XKR9: variants seen among roughly 807,000 people sequenced by gnomAD.
XKR9 encodes the protein XK-related protein 9.
In XKR9, 32 loss-of-function variants were observed where a neutral mutation model predicts 32.0. The ratio of observed to expected loss-of-function variants is 1.00; its 90% CI spans 0.76 to 1.34. The LOEUF (loss-of-function observed/expected upper bound fraction) is 1.34. Among genes scored for constraint, XKR9 ranks in the 40% most tolerant of loss-of-function variants. XKR9 has a pLI of 0.00. For missense variants in XKR9, 546 were observed against 429.7 expected (o/e 1.27, Z -2.39); for synonymous variants, 168 against 143.4 (o/e 1.17, Z -1.22).
the XKR9 span, among the ~76,000 whole-genome samples, chr8:70,860,077 C>T: frequency 6.6e-6 from 1 of 152,050 alleles, no homozygotes; most frequent in Admixed American, 6.6e-5. Flanking sequence ...TCTATACATG[C>T]AACAAAAAAT....
chr8:70,885,895 C>G, the XKR9 span, among the ~76,000 whole-genome samples: 1 of 151,080 alleles, frequency 6.6e-6, no homozygotes, highest in Non-Finnish European at 1.5e-5. Flanking sequence ...TGCGCCCGGA[C>G]TTTTTTTAAT....
the XKR9 span, among the ~76,000 whole-genome samples, chr8:71,036,838 T>A: frequency 6.6e-6 from 1 of 151,372 alleles, no homozygotes; most frequent in African/African-American, 2.4e-5. Context: ...TGCTGATTCA[T>A]AATTTTCTCC....
chr8:70,705,001 A>G (rs760662982), intron 3 of XKR9, among the ~76,000 whole-genome samples: 3 of 152,150 alleles, frequency 2.0e-5, no homozygotes, highest in Non-Finnish European at 4.4e-5. Flanking sequence ...CCATGCCTTC[A>G]TCAGGGAATG....
the XKR9 span, among the ~76,000 whole-genome samples, chr8:70,950,321 G>A: frequency 5.3e-5 from 8 of 152,162 alleles, no homozygotes; most frequent in African/African-American, 1.9e-4. Context: ...GATGCTAGGA[G>A]CATTTGAATT....
chr8:70,695,062 A>G (rs1437304687), intron 3 of XKR9, among the ~76,000 whole-genome samples: 1 of 149,710 alleles, frequency 6.7e-6, no homozygotes, highest in Non-Finnish European at 1.5e-5. Flanking sequence ...TTACCACTTC[A>G]CTAGGTTGGG....
chr8:70,997,566 G>A, the XKR9 span, among the ~76,000 whole-genome samples: 1 of 152,100 alleles, frequency 6.6e-6, no homozygotes, highest in Admixed American at 6.5e-5. Context: ...TAAGCTATGA[G>A]GATGTAAAGG....
chr8:70,725,918 A>G (rs530485161), intron 4 of XKR9, among the ~76,000 whole-genome samples: 2 of 152,288 alleles, frequency 1.3e-5, no homozygotes, highest in East Asian at 3.9e-4. Flanking sequence ...CAACAACAAA[A>G]CAACAACAAA....
At chr8:70,699,143 G>T (rs1195860944) in intron 3 of XKR9, among the ~76,000 whole-genome samples, 4 of 152,092 alleles carry the variant, frequency 2.6e-5, no homozygotes, top group African/African-American at 9.7e-5. Flanking sequence ...TATCCAATTT[G>T]CCAGTCTGTC....
chr8:70,956,203 A>C, the XKR9 span, among the ~76,000 whole-genome samples: 1 of 152,180 alleles, frequency 6.6e-6, no homozygotes. Context: ...AATGAGGTAC[A>C]TGGACAACTG....
At chr8:70,930,714 T>C in the XKR9 span, among the ~76,000 whole-genome samples, 14 of 152,234 alleles carry the variant, frequency 9.2e-5, no homozygotes, top group Non-Finnish European at 1.6e-4. Context: ...ATAAAATGCC[T>C]AGTTAAAGGT....
At chr8:71,034,848 G>A in the XKR9 span, among the ~76,000 whole-genome samples, 2 of 152,092 alleles carry the variant, frequency 1.3e-5, no homozygotes, top group Non-Finnish European at 2.9e-5. Context: ...ACAAAACTTG[G>A]GGATAGTTTA....
chr8:70,857,598 CT>C, the XKR9 span, among the ~76,000 whole-genome samples: 3 of 152,148 alleles, frequency 2.0e-5, no homozygotes, highest in Non-Finnish European at 4.4e-5. Context: ...AGAGGGAATC[CT>C]CCCTAACTTA....
chr8:70,937,785 G>C, the XKR9 span, among the ~76,000 whole-genome samples: 1 of 151,976 alleles, frequency 6.6e-6, no homozygotes, highest in Non-Finnish European at 1.5e-5. Flanking sequence ...TACATGTCCA[G>C]GGCTTCCAGC....
chr8:70,936,483 G>A, the XKR9 span, among the ~76,000 whole-genome samples: 1 of 152,054 alleles, frequency 6.6e-6, no homozygotes, highest in Admixed American at 6.6e-5. Context: ...CTCTGTGGGA[G>A]AACTTAGATG....
At chr8:70,740,087 C>T (rs1355987286), downstream of XKR9, among the ~76,000 whole-genome samples, 4 of 152,240 alleles carry the variant, frequency 2.6e-5, no homozygotes, top group Admixed American at 6.5e-5. Context: ...CCATTCTGCC[C>T]GTCACTTTCA....
the XKR9 span, among the ~76,000 whole-genome samples, chr8:70,820,528 C>T: frequency 1.0e-3 from 157 of 152,210 alleles, 1 homozygote; most frequent in Middle Eastern, 6.8e-3. Flanking sequence ...TTTTAACAAC[C>T]AGCTTGTATT....
chr8:70,861,096 G>T, the XKR9 span, among the ~76,000 whole-genome samples: 1 of 152,030 alleles, frequency 6.6e-6, no homozygotes, highest in African/African-American at 2.4e-5. Flanking sequence ...TCTAACAGTT[G>T]TCTGTTAGTA....
the XKR9 span, among the ~76,000 whole-genome samples, chr8:70,868,562 C>G: frequency 2.0e-5 from 3 of 152,074 alleles, no homozygotes; most frequent in Admixed American, 6.6e-5. Flanking sequence ...GGCACCAAGT[C>G]CCTAGGCTGC....
At chr8:70,789,058 A>C (rs967969704) in intron 2 of XKR9, among the ~76,000 whole-genome samples, 1 of 152,078 alleles carries the variant, frequency 6.6e-6, no homozygotes, top group Non-Finnish European at 1.5e-5. Flanking sequence ...CTATTTAATC[A>C]AACTAATTTA....
Sources: allele counts gnomAD v4.1 joint callset (sites outside exome capture counted in the v4.1 genomes callset), GRCh38; gene constraint gnomAD v4.1.1; transcripts MANE v1.5; gene names NCBI Gene and HGNC (gene_info 2026-07-23, HGNC 2026-07-21).